CFAP20DC: variants seen among roughly 807,000 people sequenced by gnomAD.
The protein encoded by CFAP20DC is CFAP20 domain containing.
A neutral mutation model predicts 101.7 loss-of-function variants in CFAP20DC; 84 were observed. That is an observed-to-expected ratio of 0.83 (90% CI 0.69 to 0.99). The LOEUF (loss-of-function observed/expected upper bound fraction) is 0.99, where lower values mean the gene tolerates loss of function less well. Among genes scored for constraint, CFAP20DC ranks in the 50% least tolerant of loss-of-function variants. CFAP20DC has a pLI of 0.00. For synonymous variants in CFAP20DC, 359 were observed against 351.2 expected (o/e 1.02, Z -0.25); for missense variants, 1,007 against 970.3 (o/e 1.04, Z -0.50).
intron 4 of CFAP20DC, among the ~76,000 whole-genome samples, chr3:59,034,069 C>A (rs1000447650): frequency 6.6e-6 from 1 of 152,010 alleles, no homozygotes; most frequent in Admixed American, 6.6e-5. Flanking sequence ...GACTTTTCAA[C>A]CCGGAATTTC....
chr3:58,989,743 T>C (rs2092875202), intron 4 of CFAP20DC, among the ~76,000 whole-genome samples: 1 of 152,170 alleles, frequency 6.6e-6, no homozygotes, highest in Non-Finnish European at 1.5e-5. Flanking sequence ...TGTAAAAAAT[T>C]TAAATGGCAG....
Position 58,913,864 on chromosome 3 carries a change from A to G in CFAP20DC, c.394T>C (p.Trp132Arg). ...IPLFMIKRKIWCNLCIDLVAF... is the reference protein window; with the variant it reads ...IPLFMIKRKIRCNLCIDLVAF... Reference sequence around the variant, plus strand: ...ACTAAGTCAATGCATAGATTGCACCACTAAAATAGAGAGATGCAAAGAAGA... The same window carrying G: ...ACTAAGTCAATGCATAGATTGCACCGCTAAAATAGAGAGATGCAAAGAAGA... The change falls in exon 6 of 17, where the codon TGG becomes CGG. Residue 132 changes from tryptophan to arginine, a missense_variant and splice_region_variant. Transcript: ENST00000482387. The surrounding 1 kb of genome is among the most constrained non-coding windows in gnomAD (Gnocchi z 4.4). 6.2e-7 allele frequency: 1 copy of G among 1,613,290 alleles called. No homozygotes were observed.
At chr3:58,932,726 G>A (rs1469575681) in intron 5 of CFAP20DC, among the ~76,000 whole-genome samples, 1 of 152,182 alleles carries the variant, frequency 6.6e-6, no homozygotes, top group Non-Finnish European at 1.5e-5. Context: ...CAAATGCTGA[G>A]ACATTTTGTC....
At chr3:58,826,657 T>A (rs954896053) in intron 14 of CFAP20DC, among the ~76,000 whole-genome samples, 1 of 152,224 alleles carries the variant, frequency 6.6e-6, no homozygotes, top group African/African-American at 2.4e-5. Context: ...AAGGAATTTT[T>A]AAAAATATTA....
In CFAP20DC at chr3:58,724,522, G is replaced by C. The variant is rs1325044409; in HGVS notation, c.198-6894C>G. ...CTCCTATTTAAGCCCGCTCCCACTA[G>C]CTACTCTCCGATAAGTTAAAGATAT... On this transcript the variant is annotated intron_variant, in intron 3 of 3. Coordinates refer to the CFAP20DC transcript ENST00000486145. This position sits in a 1 kb window ranked among gnomAD's most constrained non-coding sequence, Gnocchi z 5.6. 6.6e-6 allele frequency among the ~76,000 whole-genome samples: 1 copy of C among 152,170 alleles called. No homozygotes were observed. Among genetic ancestry groups the C allele is most frequent in the African/African-American group, 2.4e-5 (1 of 41,442 alleles).
At chr3:58,939,639 T>A (rs907087240) in intron 4 of CFAP20DC, among the ~76,000 whole-genome samples, 1 of 151,892 alleles carries the variant, frequency 6.6e-6, no homozygotes, top group African/African-American at 2.4e-5. Context: ...TTCGTATTTT[T>A]AGTAGAGACA....
Position 59,047,141 on chromosome 3 carries a change from G to T in CFAP20DC, c.111+24C>A, listed in dbSNP as rs1202796351. The T allele has an allele frequency of 5.0e-6, 7 of 1,406,344 alleles. No individual in the cohort carries two copies. The East Asian group carries it at 1.5e-4, about 30-fold the overall frequency. The allele number at this position is 1,406,344 out of a possible 1,614,324, so 87.1% of individuals were successfully genotyped here. The stretch of plus-strand genomic sequence containing the variant: ...ACTCACATTTCTTCCCCTGATTTAT[G>T]TGGCTCTAATTTCTAATACTTACTT... On this transcript the variant is annotated intron_variant, in intron 2 of 16. Transcript: ENST00000482387.
At chr3:58,829,630 T>C (rs2076264252) in intron 14 of CFAP20DC, among the ~76,000 whole-genome samples, 1 of 152,164 alleles carries the variant, frequency 6.6e-6, no homozygotes, top group Non-Finnish European at 1.5e-5. Flanking sequence ...CTAAAAAATA[T>C]CAGACCATTT....
intron 3 of CFAP20DC, among the ~76,000 whole-genome samples, chr3:58,731,393 C>A (rs181644043): frequency 1.2e-4 from 18 of 152,288 alleles, no homozygotes; most frequent in Admixed American, 8.5e-4. Context: ...TACACACTGT[C>A]TGTTGTGTTA....
intron 14 of CFAP20DC, among the ~76,000 whole-genome samples, chr3:58,816,253 C>T (rs1044001453): frequency 3.3e-5 from 5 of 152,074 alleles, no homozygotes; most frequent in Non-Finnish European, 7.4e-5. Context: ...AGTAAACTAT[C>T]GCAAGAACAA....
intron 15 of CFAP20DC, among the ~76,000 whole-genome samples, chr3:58,764,438 C>T (rs772892866): frequency 6.6e-6 from 1 of 152,106 alleles, no homozygotes; most frequent in Non-Finnish European, 1.5e-5. Flanking sequence ...ATCTGTCACC[C>T]CTTTCTTTGA....
chr3:58,861,805 G>A lies in CFAP20DC; in HGVS notation c.1593+1753C>T, dbSNP rs2079274957. 1 of 985,302 alleles carries A rather than the reference G, an allele frequency of 1.0e-6. No individual in the cohort carries two copies. 61.0% of individuals were successfully genotyped at this position (985,302 alleles called of 1,614,324 possible). The stretch of plus-strand genomic sequence containing the variant: ...CACAGACTCTAGCCGTATGCTACTG[G>A]TCACCTTGATGGGCATGGCACAGGG... On this transcript the variant is annotated intron_variant, in intron 12 of 16. Coordinates refer to ENST00000482387, the MANE Select transcript of CFAP20DC (RefSeq NM_001394063.1). The surrounding 1 kb of genome is among the most constrained non-coding windows in gnomAD (Gnocchi z 4.0).
chr3:58,860,522 T>C (rs1329735344), intron 12 of CFAP20DC, among the ~76,000 whole-genome samples: 1 of 152,168 alleles, frequency 6.6e-6, no homozygotes, highest in East Asian at 1.9e-4. Context: ...GGGGTCCAAA[T>C]GTTCCAATTT....
chr3:58,889,509 G>A (rs1442271673), intron 6 of CFAP20DC, among the ~76,000 whole-genome samples: 6 of 151,554 alleles, frequency 4.0e-5, no homozygotes, highest in Non-Finnish European at 8.8e-5. Context: ...CCATAAGTAT[G>A]CTCATTCGCC....
Position 58,729,706 on chromosome 3 carries a change from C to T in CFAP20DC, c.198-12078G>A, listed in dbSNP as rs1456381312. Among the ~76,000 whole-genome samples the T allele has an allele frequency of 1.3e-5, 2 of 152,000 alleles. No individual in the cohort carries two copies. The highest frequency in any genetic ancestry group is 1.5e-5 in the Non-Finnish European group (1 of 67,994). On this transcript the variant is annotated intron_variant, in intron 3 of 3. Transcript: ENST00000486145. This position sits in a 1 kb window ranked among gnomAD's most constrained non-coding sequence, Gnocchi z 4.4. Reference sequence around the variant, plus strand: ...TTCCCAATGCAAGGCCTGGTCTATACCAAATTAGTCTGCTATTATTGAAAG... The same window carrying T: ...TTCCCAATGCAAGGCCTGGTCTATATCAAATTAGTCTGCTATTATTGAAAG...
chr3:58,894,176 C>T lies in CFAP20DC; in HGVS notation c.551-9467G>A, dbSNP rs1471163378. On this transcript the variant is annotated intron_variant, in intron 6 of 16. Transcript: ENST00000482387. The surrounding 1 kb of genome is among the most constrained non-coding windows in gnomAD (Gnocchi z 4.1). ...CCATATCATTCTCCCCTTGGCCCCTCCCAAATCTCACGTCCTCACATTTCA... is the reference window on the plus strand; with the variant it reads ...CCATATCATTCTCCCCTTGGCCCCTTCCAAATCTCACGTCCTCACATTTCA... Among the ~76,000 whole-genome samples the T allele has an allele frequency of 6.6e-6, 1 of 152,104 alleles. No individual in the cohort carries two copies. Among genetic ancestry groups the T allele is most frequent in the Non-Finnish European group, 1.5e-5 (1 of 68,018 alleles).
chr3:58,920,072 CTTTTTTT>C (rs71091396), intron 5 of CFAP20DC, among the ~76,000 whole-genome samples: 12 of 46,806 alleles, frequency 2.6e-4, no homozygotes, highest in East Asian at 1.3e-3. Flanking sequence ...GGTGGATATT[CTTTTTTT>C]TTTTTTTTTT....
chr3:58,836,581 G>A (rs2076752687), intron 13 of CFAP20DC, among the ~76,000 whole-genome samples: 1 of 152,088 alleles, frequency 6.6e-6, no homozygotes, highest in Non-Finnish European at 1.5e-5. Context: ...ATGGGCTGAA[G>A]GGGGATAGAA....
intron 3 of CFAP20DC, among the ~76,000 whole-genome samples, chr3:58,718,447 C>A (rs1470086456): frequency 6.6e-6 from 1 of 152,198 alleles, no homozygotes; most frequent in Non-Finnish European, 1.5e-5. Flanking sequence ...TCCAGGCCTC[C>A]CCTTCCCCTG....
Sources: allele counts gnomAD v4.1 joint callset (sites outside exome capture counted in the v4.1 genomes callset), GRCh38; gene constraint gnomAD v4.1.1; non-coding constraint Gnocchi (gnomAD v3.1); transcripts MANE v1.5; gene names NCBI Gene and HGNC (gene_info 2026-07-23, HGNC 2026-07-21).